The following FOXN3 variants were observed in gnomAD, a reference collection of about 807,000 sequenced individuals.
The protein encoded by FOXN3 is forkhead box protein N3.
Under a neutral mutation model 38.4 loss-of-function variants are expected in FOXN3, and 7 were observed. The ratio of observed to expected loss-of-function variants is 0.18; its 90% confidence interval spans 0.10 to 0.34. The LOEUF (loss-of-function observed/expected upper bound fraction) is 0.34. Among genes scored for constraint, FOXN3 ranks in the 10% least tolerant of loss-of-function variants. FOXN3 has a pLI of 1.00. For missense variants in FOXN3, 456 were observed against 613.4 expected (o/e 0.74, Z 2.71); for synonymous variants, 230 against 242.2 (o/e 0.95, Z 0.47).
At chr14:89,268,163 T>C (rs1050325969) in intron 4 of FOXN3, among the ~76,000 whole-genome samples, 1 of 152,218 alleles carries the variant, frequency 6.6e-6, no homozygotes, top group Admixed American at 6.5e-5. Flanking sequence ...TGTTTCTTCA[T>C]CTGTAAGATC....
chr14:89,378,952 C>T (rs12890227), intron 2 of FOXN3, among the ~76,000 whole-genome samples: 58,502 of 152,112 alleles, frequency 0.38, 13,798 homozygotes, highest in Admixed American at 0.54. Context: ...AGTGATCCAC[C>T]TGCCTTGGCC....
At chr14:89,542,085 A>G (rs1894800576) in intron 1 of FOXN3, among the ~76,000 whole-genome samples, 1 of 152,130 alleles carries the variant, frequency 6.6e-6, no homozygotes, top group South Asian at 2.1e-4. Flanking sequence ...AAGAACAGCT[A>G]CTCCATAGAT....
Position 89,412,213 on chromosome 14 carries a change from C to T in FOXN3, c.264G>A (p.Gln88=). 6.2e-7 allele frequency: 1 copy of T among 1,614,040 alleles called. No homozygotes were observed. The highest frequency in any genetic ancestry group is 8.5e-7 in the Non-Finnish European group (1 of 1,180,012). Residue 88 remains glutamine, a synonymous_variant, in exon 2 of 6, where the codon CAG becomes CAA. Coordinates refer to ENST00000557258, the MANE Select transcript of FOXN3 (RefSeq NM_005197.4). The surrounding 1 kb of genome is among the most constrained non-coding windows in gnomAD (Gnocchi z 4.7). The stretch of plus-strand genomic sequence containing the variant: ...ATGGGGGGGTGTCATCGTCCAGGTC[C>T]TGGACGGGGCTGACACTCCTGAGGA... The part of the protein sequence containing the change: ...ESVLRSVSPV[Q]DLDDDTPPSP...
chr14:89,531,211 C>T lies in FOXN3; in HGVS notation c.-15+87817G>A, dbSNP rs562115716. The stretch of plus-strand genomic sequence containing the variant: ...ACCTTCAGGTTTCTTTACGCAGTCC[C>T]GTGGCTGTAAAGAAAGGCAGAAAAG... On this transcript the variant is annotated intron_variant, in intron 1 of 6. Coordinates refer to the FOXN3 transcript ENST00000345097. Among the ~76,000 whole-genome samples, 20 of 151,418 alleles carry T rather than the reference C, an allele frequency of 1.3e-4. No homozygotes were observed. In the East Asian group the frequency reaches 1.5e-3, roughly 12 times the overall value.
intron 1 of FOXN3, among the ~76,000 whole-genome samples, chr14:89,448,841 C>A (rs1334473463): frequency 1.3e-5 from 2 of 151,710 alleles, no homozygotes; most frequent in Admixed American, 6.6e-5. Context: ...ACTCAGGAGA[C>A]TGAGGTGGGA....
intron 1 of FOXN3, among the ~76,000 whole-genome samples, chr14:89,587,867 G>GAAAA (rs11366681): frequency 2.8e-4 from 18 of 64,618 alleles, no homozygotes; most frequent in Non-Finnish European, 3.9e-4. Context: ...CTCTGTCTCA[G>GAAAA]AAAAAAAAAA....
intron 2 of FOXN3, among the ~76,000 whole-genome samples, chr14:89,360,422 G>C (rs1368725674): frequency 1.3e-5 from 2 of 149,622 alleles, no homozygotes; most frequent in African/African-American, 4.9e-5. Context: ...GAGGTAAAAA[G>C]AGAGGGAGGA....
intron 4 of FOXN3, among the ~76,000 whole-genome samples, chr14:89,181,313 C>A (rs1164070349): frequency 1.3e-5 from 2 of 152,194 alleles, no homozygotes; most frequent in Non-Finnish European, 1.5e-5. Context: ...AAAACCCCAA[C>A]ACTGTAGGAA....
At chr14:89,372,054 C>T (rs944696523) in intron 2 of FOXN3, among the ~76,000 whole-genome samples, 26 of 151,980 alleles carry the variant, frequency 1.7e-4, no homozygotes, top group Admixed American at 1.3e-3. Context: ...CTGAGTGTGC[C>T]ATCTGTCTTC....
intron 1 of FOXN3, among the ~76,000 whole-genome samples, chr14:89,583,350 C>T (rs898835158): frequency 2.0e-5 from 3 of 152,098 alleles, no homozygotes; most frequent in African/African-American, 7.2e-5. Flanking sequence ...GGATTAATGC[C>T]GCTATAGAGG....
intron 1 of FOXN3, among the ~76,000 whole-genome samples, chr14:89,606,810 T>C (rs1190575470): frequency 6.6e-6 from 1 of 151,746 alleles, no homozygotes; most frequent in Admixed American, 6.6e-5. Flanking sequence ...ATTGCACCAC[T>C]GCACTCCAGC....
chr14:89,214,410 G>A (rs1017559665), intron 4 of FOXN3, among the ~76,000 whole-genome samples: 10 of 152,204 alleles, frequency 6.6e-5, no homozygotes, highest in Non-Finnish European at 1.5e-4. Context: ...TTCTTGTTTG[G>A]TTAATCTCTT....
chr14:89,225,994 T>A (rs1884625275), intron 4 of FOXN3, among the ~76,000 whole-genome samples: 1 of 151,976 alleles, frequency 6.6e-6, no homozygotes. Context: ...CTTCTATAAG[T>A]AGGTTTATCC....
chr14:89,471,304 G>A (rs1893089589), intron 1 of FOXN3, among the ~76,000 whole-genome samples: 1 of 152,146 alleles, frequency 6.6e-6, no homozygotes, highest in African/African-American at 2.4e-5. Context: ...TCAGAAGGAT[G>A]TAAAGAATTC....
intron 4 of FOXN3, among the ~76,000 whole-genome samples, chr14:89,188,111 A>AG (rs1887855866): frequency 6.6e-6 from 1 of 152,024 alleles, no homozygotes; most frequent in African/African-American, 2.4e-5. Context: ...TGGATTTCTC[A>AG]CACAGCGGTA....
At chr14:89,530,327 A>G (rs1447332025) in intron 1 of FOXN3, among the ~76,000 whole-genome samples, 2 of 152,312 alleles carry the variant, frequency 1.3e-5, no homozygotes, top group Admixed American at 1.3e-4. Context: ...GGTGGAAGGC[A>G]AAGGAGAAGC....
chr14:89,286,018 C>G (rs1886618657), intron 3 of FOXN3, among the ~76,000 whole-genome samples: 1 of 151,980 alleles, frequency 6.6e-6, no homozygotes, highest in Non-Finnish European at 1.5e-5. Context: ...AGGCACACAC[C>G]ACTATGCCTG....
chr14:89,286,665 G>A (rs2139926262), intron 3 of FOXN3, among the ~76,000 whole-genome samples: 1 of 152,268 alleles, frequency 6.6e-6, no homozygotes, highest in South Asian at 2.1e-4. Context: ...CCTTATAACT[G>A]GGGATTAATC....
Position 89,383,029 on chromosome 14 carries a change from GTTT to G in FOXN3, c.543+28902_543+28904del, listed in dbSNP as rs57032907. On this transcript the variant is annotated intron_variant, in intron 2 of 5. Transcript: ENST00000557258. ...TGTTTGGAGCACAGTTTTGGGTGGT[GTTT>G]TTTTTTTTTTTTTTTTTTTTTTCCT... 9.2e-3 allele frequency among the ~76,000 whole-genome samples: 851 copies of G among 92,576 alleles called. 3 individuals carry two copies. The highest frequency in any genetic ancestry group is 0.042 in the Middle Eastern group (5 of 118). 60.7% of individuals were successfully genotyped at this position (92,576 alleles called of 152,430 possible).
Sources: allele counts gnomAD v4.1 joint callset (sites outside exome capture counted in the v4.1 genomes callset), GRCh38; gene constraint gnomAD v4.1.1; non-coding constraint Gnocchi (gnomAD v3.1); transcripts MANE v1.5; gene names NCBI Gene and HGNC (gene_info 2026-07-23, HGNC 2026-07-21).